The following SMIM43 variants were observed in gnomAD, a reference collection of about 807,000 sequenced individuals.
SMIM43 encodes the protein Nodal Enhanced MEsendoderm Peptide.
At chr4:121,763,128 T>C (rs4075066) in intron 2 of SMIM43, among the ~76,000 whole-genome samples, 52,509 of 152,078 alleles carry the variant, frequency 0.35, 11,280 homozygotes, top group Admixed American at 0.52. Flanking sequence ...GCTCATACCA[T>C]AATAATTAAA....
At chr4:121,763,236 G>T (rs574472354) in intron 2 of SMIM43, among the ~76,000 whole-genome samples, 3 of 152,122 alleles carry the variant, frequency 2.0e-5, no homozygotes, top group Non-Finnish European at 4.4e-5. Flanking sequence ...ATTCACCTGA[G>T]ACTATTTTTC....
intron 2 of SMIM43, among the ~76,000 whole-genome samples, chr4:121,763,428 T>C (rs1323850271): frequency 6.6e-6 from 1 of 152,204 alleles, no homozygotes; most frequent in East Asian, 1.9e-4. Flanking sequence ...AATCTTCCCT[T>C]ACTGAAGATT....
chr4:121,760,526 AC>A (rs1249383785), intron 5 of SMIM43, 52 bp from the exon 6 acceptor site: 1 of 1,466,328 alleles, frequency 6.8e-7, no homozygotes, highest in African/African-American at 1.4e-5. Context: ...TAAGCCTGAC[AC>A]CCGTGAGCTG....
chr4:121,765,236 T>C, upstream of SMIM43: 1 of 380,606 alleles, frequency 2.6e-6, no homozygotes, highest in African/African-American at 2.1e-5. Flanking sequence ...GGGCGCCGAC[T>C]CCGGGGTCCG....
Position 121,760,296 on chromosome 4 carries a change from A to C in SMIM43, c.*678T>G. On this transcript the variant is annotated 3_prime_UTR_variant, in exon 6 of 6. Coordinates refer to ENST00000643802, the MANE Select transcript of SMIM43 (RefSeq NM_001384332.1). ...TCCAGCTACAAAAACTACATTTCTCAGACAATCTTGCAGATAGCAGTAGCC... is the reference window on the plus strand; with the variant it reads ...TCCAGCTACAAAAACTACATTTCTCCGACAATCTTGCAGATAGCAGTAGCC... The C allele has an allele frequency of 6.3e-7, 1 of 1,597,188 alleles. No homozygotes were observed. Among genetic ancestry groups the C allele is most frequent in the Non-Finnish European group, 8.5e-7 (1 of 1,174,860 alleles).
intron 3 of SMIM43, among the ~76,000 whole-genome samples, chr4:121,762,223 T>TAG (rs1313824142): frequency 6.6e-6 from 1 of 152,156 alleles, no homozygotes; most frequent in African/African-American, 2.4e-5. Context: ...AGCCAACATG[T>TAG]AGAAGCCTGC....
chr4:121,760,520 C>A (rs1230391848), intron 5 of SMIM43, 46 bp from the exon 6 acceptor site: 22 of 1,482,584 alleles, frequency 1.5e-5, no homozygotes, highest in Non-Finnish European at 6.3e-6. Context: ...CTTAATTAAG[C>A]CTGACACCCG....
At position 121,760,430 on chromosome 4, in the gene SMIM43, C is replaced by T. The variant is rs750303927; in HGVS notation, c.*544G>A. Reference sequence around the variant, plus strand: ...TGGCATGCCCCGTTTTCTCTGTGGGCTTCCTCCTTCTTCTTGTGGGGTGCT... The same window carrying T: ...TGGCATGCCCCGTTTTCTCTGTGGGTTTCCTCCTTCTTCTTGTGGGGTGCT... On this transcript the variant is annotated 3_prime_UTR_variant, in exon 6 of 6. Coordinates refer to ENST00000643802, the MANE Select transcript of SMIM43 (RefSeq NM_001384332.1). 5 of 1,556,808 alleles carry T rather than the reference C, an allele frequency of 3.2e-6. No homozygotes were observed. Among genetic ancestry groups the T allele is most frequent in the South Asian group, 2.4e-5 (2 of 84,992 alleles).
chr4:121,764,270 G>A (rs1726231121), intron 1 of SMIM43: 1 of 152,046 alleles, frequency 6.6e-6, no homozygotes, highest in Admixed American at 6.6e-5. Context: ...AGGATCACCG[G>A]GAGGAAGGGA....
upstream of SMIM43, chr4:121,765,341 C>G: frequency 3.1e-6 from 1 of 326,870 alleles, no homozygotes; most frequent in Non-Finnish European, 5.5e-6. Context: ...TCCGCTTCGC[C>G]GAGATCCTCT....
rs1490796995 is a variant in SMIM43, at chr4:121,758,964, GC to G, written c.*2009del. 1 of 151,956 alleles carries G rather than the reference GC, an allele frequency of 6.6e-6. No individual in the cohort carries two copies. The highest frequency in any genetic ancestry group is 1.5e-5 in the Non-Finnish European group (1 of 67,966). 9.4% of individuals were successfully genotyped at this position (151,956 alleles called of 1,614,324 possible). A position where few individuals can be genotyped will look rare whatever the true frequency, so the allele number is the denominator to read the frequency against. ...ACGTATAGTTTATTTTTATTTCATA[GC>G]CTTTTAAAAAATATAAGCCACCTAA... On this transcript the variant is annotated 3_prime_UTR_variant, in exon 6 of 6. Coordinates refer to ENST00000643802, the MANE Select transcript of SMIM43 (RefSeq NM_001384332.1).
rs1725984967 is a variant in SMIM43, at chr4:121,760,325, GAC to G, written c.*647_*648del. 4 of 1,612,512 alleles carry G rather than the reference GAC, an allele frequency of 2.5e-6. No individual in the cohort carries two copies. Among genetic ancestry groups the G allele is most frequent in the East Asian group, 2.2e-5 (1 of 44,826 alleles). The stretch of plus-strand genomic sequence containing the variant: ...AATCTTGCAGATAGCAGTAGCCAAT[GAC>G]ACAGTTCTGGCCAATGAGATGAAGG... On this transcript the variant is annotated 3_prime_UTR_variant, in exon 6 of 6. Coordinates refer to ENST00000643802, the MANE Select transcript of SMIM43 (RefSeq NM_001384332.1).
chr4:121,765,169 G>GCGCCGCCCGCACACC, upstream of SMIM43: 2 of 391,650 alleles, frequency 5.1e-6, no homozygotes, highest in Non-Finnish European at 9.0e-6. Context: ...GAGGGCGAGC[G>GCGCCGCCCGCACACC]CGCCGCCCGC....
At chr4:121,764,659 G>T in intron 1 of SMIM43, 158 bp downstream of exon 1, 2 of 372,622 alleles carry the variant, frequency 5.4e-6, no homozygotes. Flanking sequence ...AACAGCTTAG[G>T]GTCCCTCTCG....
At position 121,764,935 on chromosome 4, in the gene SMIM43, G is replaced by A. The variant is rs1726274943; in HGVS notation, c.171C>T (p.Phe57=). The change falls in exon 1 of 6, where the codon TTC becomes TTT. Residue 57 remains phenylalanine, a synonymous_variant. Coordinates refer to ENST00000643802, the MANE Select transcript of SMIM43 (RefSeq NM_001384332.1). The part of the protein sequence containing the change: ...RLSVHREPWG[F]SREQAV The stretch of plus-strand genomic sequence containing the variant: ...CGGGTCACACCGCTTGCTCTCGGGA[G>A]AAGCCCCAAGGCTCGCGGTGCACCG... The A allele has an allele frequency of 5.0e-6, 2 of 398,544 alleles. No individual in the cohort carries two copies. Among genetic ancestry groups the A allele is most frequent in the East Asian group, 7.1e-5 (2 of 28,044 alleles). The allele number at this position is 398,544 out of a possible 1,614,324, so 24.7% of individuals were successfully genotyped here.
chr4:121,764,320 A>T (rs915593618), intron 1 of SMIM43: 1 of 151,976 alleles, frequency 6.6e-6, no homozygotes, highest in Non-Finnish European at 1.5e-5. Context: ...TCTCTCCCCC[A>T]CGCCCCACCC....
chr4:121,764,416 G>A (rs72913991), intron 1 of SMIM43: 11,288 of 152,568 alleles, frequency 0.074, 1,065 homozygotes, highest in African/African-American at 0.22. Flanking sequence ...AGTGCGCCCC[G>A]TTTCCTCCTG....
At chr4:121,764,621 C>T in intron 1 of SMIM43, 196 bp downstream of exon 1, 2 of 330,862 alleles carry the variant, frequency 6.0e-6, no homozygotes, top group Non-Finnish European at 1.1e-5. Context: ...AGGGCGAATT[C>T]TCTTTTCGCC....
Position 121,760,294 on chromosome 4 carries a change from TCAGA to T in SMIM43, c.*676_*679del. 1 of 1,596,968 alleles carries T rather than the reference TCAGA, an allele frequency of 6.3e-7. No homozygotes were observed. ...TATCCAGCTACAAAAACTACATTTC[TCAGA>T]CAATCTTGCAGATAGCAGTAGCCAA... On this transcript the variant is annotated 3_prime_UTR_variant, in exon 6 of 6. Coordinates refer to ENST00000643802, the MANE Select transcript of SMIM43 (RefSeq NM_001384332.1).
Sources: gnomAD v4.1 joint callset for allele counts (sites outside exome capture counted in the v4.1 genomes callset) on GRCh38, gnomAD v4.1.1 for gene constraint, MANE v1.5 for transcripts, NCBI Gene and HGNC (gene_info 2026-07-23, HGNC 2026-07-21) for gene names.